The following PGAM5 variants were observed in gnomAD, a reference collection of about 807,000 sequenced individuals.
The protein encoded by PGAM5 is serine/threonine-protein phosphatase PGAM5, mitochondrial.
A neutral mutation model predicts 30.6 loss-of-function variants in PGAM5; 25 were observed. That is an observed-to-expected ratio of 0.82 (90% CI 0.60 to 1.14). The LOEUF (loss-of-function observed/expected upper bound fraction) is 1.14. PGAM5 is among the 50% of genes most tolerant of loss of function. PGAM5 has a pLI of 0.00. For missense variants in PGAM5, 384 were observed against 408.5 expected, an observed-to-expected ratio of 0.94 and a Z score of 0.52; for synonymous variants, 201 against 179.1, an observed-to-expected ratio of 1.12 and a Z score of -0.98.
intron 1 of PGAM5, among the ~76,000 whole-genome samples, chr12:132,714,545 G>A (rs997423476): frequency 1.3e-5 from 2 of 152,282 alleles, no homozygotes; most frequent in Middle Eastern, 3.4e-3. Context: ...GGCGTTCTCC[G>A]TAACCACAGT....
chr12:132,715,369 G>A (rs11615063), intron 2 of PGAM5, among the ~76,000 whole-genome samples: 67,930 of 149,012 alleles, frequency 0.46, 17,305 homozygotes, highest in Non-Finnish European at 0.61. Flanking sequence ...TCAGGAATTC[G>A]AGACCAGCCT....
intron 2 of PGAM5, 60 bp downstream of exon 2, chr12:132,715,096 T>C (rs1593117931): frequency 1.4e-5 from 10 of 724,254 alleles, no homozygotes; most frequent in South Asian, 7.0e-5. Flanking sequence ...GGTGCATATC[T>C]GCTGGCGCCT....
In PGAM5 at chr12:132,717,817, G is replaced by T. The variant is rs767320268; in HGVS notation, c.585+19G>T. 54 of 1,578,166 alleles carry T rather than the reference G, an allele frequency of 3.4e-5. No homozygotes were observed. The highest frequency in any genetic ancestry group is 1.7e-4 in the Middle Eastern group (1 of 6,008). On this transcript the variant is annotated intron_variant, in intron 4 of 5. Transcript: ENST00000498926. ...AGCTGTGGTAAAAACCTCCCCGGGG[G>T]GCAGCTGTGTCACCCTCGCCTTCCC...
Position 132,722,076 on chromosome 12 carries a change from T to G in PGAM5, c.*1248T>G, listed in dbSNP as rs1376220900. 1 of 152,084 alleles carries G rather than the reference T, an allele frequency of 6.6e-6. No individual in the cohort carries two copies. Among genetic ancestry groups the G allele is most frequent in the Non-Finnish European group, 1.5e-5 (1 of 68,056 alleles). 9.4% of individuals were successfully genotyped at this position (152,084 alleles called of 1,614,324 possible). Reference sequence around the variant, plus strand: ...ATGGGGGAGGGGCAGGTGAGGTGGGTCTACAGAGGTGGCTTCGCCTTTGAC... The same window carrying G: ...ATGGGGGAGGGGCAGGTGAGGTGGGGCTACAGAGGTGGCTTCGCCTTTGAC... On this transcript the variant is annotated 3_prime_UTR_variant, in exon 6 of 6. Transcript: ENST00000498926.
chr12:132,716,375 A>G lies in PGAM5; in HGVS notation c.371-1064A>G, dbSNP rs545833871. Among the ~76,000 whole-genome samples, 721 of 149,194 alleles carry G rather than the reference A, an allele frequency of 4.8e-3. 5 individuals carry two copies. Among genetic ancestry groups the G allele is most frequent in the African/African-American group, 0.016 (658 of 40,660 alleles). On this transcript the variant is annotated intron_variant, in intron 2 of 5. Transcript: ENST00000498926. ...ACTGGGATTACAGGCGTGAGCCACC[A>G]CACCCAGCCTAATTTTTTTTTTTTT...
chr12:132,717,686 G>T, intron 3 of PGAM5, 24 bp from the exon 4 acceptor site: 1 of 1,565,126 alleles, frequency 6.4e-7, no homozygotes, highest in Non-Finnish European at 8.7e-7. Context: ...GCCTCACCCA[G>T]CGCTTCGCTG....
chr12:132,715,092 T>C (rs2043561705), intron 2 of PGAM5, 56 bp downstream of exon 2: 1 of 1,025,436 alleles, frequency 9.8e-7, no homozygotes, highest in Admixed American at 2.7e-5. Flanking sequence ...GCCAGGTGCA[T>C]ATCTGCTGGC....
chr12:132,719,908 C>T (rs143519235), intron 5 of PGAM5, among the ~76,000 whole-genome samples: 117 of 152,350 alleles, frequency 7.7e-4, no homozygotes, highest in South Asian at 3.5e-3. Context: ...ATCCCATCTC[C>T]GTTCTTTGCT....
chr12:132,712,928 T>G (rs1593116321), intron 1 of PGAM5, among the ~76,000 whole-genome samples: 1 of 151,476 alleles, frequency 6.6e-6, no homozygotes, highest in South Asian at 2.1e-4. Context: ...GAGGCTGAGG[T>G]GGGCGGATCA....
At chr12:132,716,366 T>C (rs1309569317) in intron 2 of PGAM5, among the ~76,000 whole-genome samples, 1 of 151,472 alleles carries the variant, frequency 6.6e-6, no homozygotes, top group Non-Finnish European at 1.5e-5. Flanking sequence ...ATTACAGGCG[T>C]GAGCCACCAC....
At chr12:132,716,360 C>G (rs2043578047) in intron 2 of PGAM5, among the ~76,000 whole-genome samples, 1 of 151,918 alleles carries the variant, frequency 6.6e-6, no homozygotes, top group African/African-American at 2.4e-5. Context: ...ACTGGGATTA[C>G]AGGCGTGAGC....
chr12:132,714,143 A>G (rs1442898611), intron 1 of PGAM5, among the ~76,000 whole-genome samples: 2 of 151,558 alleles, frequency 1.3e-5, no homozygotes, highest in Non-Finnish European at 2.9e-5. Context: ...TCAGCCTCCC[A>G]AGTAGCTGGG....
chr12:132,716,214 T>C (rs1486241373), intron 2 of PGAM5, among the ~76,000 whole-genome samples: 1 of 152,054 alleles, frequency 6.6e-6, no homozygotes, highest in Non-Finnish European at 1.5e-5. Context: ...GGCTCCCAAG[T>C]AGCTGGGACT....
At chr12:132,714,699 C>A in intron 1 of PGAM5, 159 bp from the exon 2 acceptor site, 1 of 707,024 alleles carries the variant, frequency 1.4e-6, no homozygotes, top group Non-Finnish European at 2.3e-6. Flanking sequence ...GGGAGAGTGG[C>A]GGTATGCTCA....
intron 2 of PGAM5, among the ~76,000 whole-genome samples, chr12:132,715,730 T>G (rs2043569928): frequency 6.6e-6 from 1 of 151,984 alleles, no homozygotes; most frequent in South Asian, 2.1e-4. Flanking sequence ...AGTACAAAAA[T>G]TAGCCGGGTG....
Position 132,717,432 on chromosome 12 carries a change from C to T in PGAM5, c.371-7C>T. 1 of 1,599,106 alleles carries T rather than the reference C, an allele frequency of 6.3e-7. No individual in the cohort carries two copies. The highest frequency in any genetic ancestry group is 8.5e-7 in the Non-Finnish European group (1 of 1,178,520). ...GGTGCGGCACTCAGGTGCCTTTCAC[C>T]TTCCAGGTCGGGAGCAGGCTGAACT... On this transcript the variant is annotated splice_region_variant and splice_polypyrimidine_tract_variant and intron_variant, in intron 2 of 5. Transcript: ENST00000498926.
intron 2 of PGAM5, 139 bp from the exon 3 acceptor site, chr12:132,717,300 G>T (rs933494731): frequency 2.9e-6 from 3 of 1,032,614 alleles, no homozygotes; most frequent in Admixed American, 4.9e-5. Flanking sequence ...TCGTGTTTGC[G>T]GGCGGAGGAG....
intron 1 of PGAM5, among the ~76,000 whole-genome samples, chr12:132,714,064 C>T (rs1357371847): frequency 6.6e-6 from 1 of 152,212 alleles, no homozygotes; most frequent in African/African-American, 2.4e-5. Context: ...GTCGCCCAGA[C>T]TGGAGTGCAG....
In PGAM5 at chr12:132,719,014, T is replaced by C. The variant is rs115695091; in HGVS notation, c.719+894T>C. 4,292 of 1,433,534 alleles carry C rather than the reference T, an allele frequency of 3.0e-3. 97 individuals are homozygous for C. The African/African-American group carries it at 0.051, about 17-fold the overall frequency. The allele number at this position is 1,433,534 out of a possible 1,614,324, so 88.8% of individuals were successfully genotyped here. A position where few individuals can be genotyped will look rare whatever the true frequency, so the allele number is the denominator to read the frequency against. ...ATCCGGGTTCAGGTTGCGTTTTCCC[T>C]GCCACCACCCTGCAATCAGCCACTT... On this transcript the variant is annotated intron_variant, in intron 5 of 5. Transcript: ENST00000498926.
Sources: gnomAD v4.1 joint callset for allele counts (sites outside exome capture counted in the v4.1 genomes callset) on GRCh38, gnomAD v4.1.1 for gene constraint, MANE v1.5 for transcripts, NCBI Gene and HGNC (gene_info 2026-07-23, HGNC 2026-07-21) for gene names.